The following KCNQ3 variants were observed in gnomAD, a reference collection of about 807,000 sequenced individuals.
The protein encoded by KCNQ3 is potassium voltage-gated channel subfamily Q member 3.
In KCNQ3, 30 loss-of-function variants were observed where a neutral mutation model predicts 92.5. The ratio of observed to expected loss-of-function variants is 0.32; its 90% confidence interval spans 0.24 to 0.44. The LOEUF (loss-of-function observed/expected upper bound fraction) is 0.44, where lower values mean the gene tolerates loss of function less well. Among genes scored for constraint, KCNQ3 ranks in the 20% least tolerant of loss-of-function variants. The probability of loss-of-function intolerance (pLI) is 1.00; values close to 1 mark genes in which losing one functional copy is unlikely to be tolerated. For missense variants in KCNQ3, 913 were observed against 1,140.3 expected (o/e 0.80, Z 2.87); for synonymous variants, 450 against 468.8 (o/e 0.96, Z 0.52).
chr8:132,254,238 A>C (rs893038584), intron 1 of KCNQ3, among the ~76,000 whole-genome samples: 2 of 152,216 alleles, frequency 1.3e-5, no homozygotes, highest in African/African-American at 4.8e-5. Flanking sequence ...AGGAAAGTGC[A>C]TGTTCTCCCT....
chr8:132,177,869 A>G (rs1225996708), intron 4 of KCNQ3, among the ~76,000 whole-genome samples: 1 of 152,210 alleles, frequency 6.6e-6, no homozygotes, highest in Non-Finnish European at 1.5e-5. Context: ...CTGGTAGCAC[A>G]GCTTTCGGGA....
At chr8:132,193,013 C>A (rs1436031019) in intron 1 of KCNQ3, among the ~76,000 whole-genome samples, 1 of 152,176 alleles carries the variant, frequency 6.6e-6, no homozygotes, top group Non-Finnish European at 1.5e-5. Context: ...TTCCTGAGTT[C>A]TTTTCCTCTC....
intron 1 of KCNQ3, among the ~76,000 whole-genome samples, chr8:132,408,649 C>T (rs1256838635): frequency 1.3e-5 from 2 of 152,098 alleles, no homozygotes; most frequent in African/African-American, 4.8e-5. Flanking sequence ...TCCCAGTCAA[C>T]TTTGAGTTAA....
chr8:132,308,448 C>A (rs1817496978), intron 1 of KCNQ3, among the ~76,000 whole-genome samples: 1 of 152,102 alleles, frequency 6.6e-6, no homozygotes. Context: ...GACAAGGGAC[C>A]TGCATCTGGA....
At chr8:132,399,126 C>T (rs2130781625) in intron 1 of KCNQ3, among the ~76,000 whole-genome samples, 1 of 152,304 alleles carries the variant, frequency 6.6e-6, no homozygotes, top group Middle Eastern at 3.4e-3. Context: ...ATACGATTTA[C>T]AAATTTATTC....
chr8:132,179,629 T>A (rs1166610103), intron 4 of KCNQ3, among the ~76,000 whole-genome samples: 1 of 152,204 alleles, frequency 6.6e-6, no homozygotes, highest in Non-Finnish European at 1.5e-5. Flanking sequence ...TCTTCACATA[T>A]CAATTCATTT....
At chr8:132,474,502 C>G (rs774187001) in intron 1 of KCNQ3, among the ~76,000 whole-genome samples, 2 of 152,156 alleles carry the variant, frequency 1.3e-5, no homozygotes, top group Non-Finnish European at 2.9e-5. Flanking sequence ...CTTGTTTTCT[C>G]TCCCATAGTC....
chr8:132,246,471 T>C (rs1339028408), intron 1 of KCNQ3, among the ~76,000 whole-genome samples: 3 of 152,212 alleles, frequency 2.0e-5, no homozygotes, highest in Non-Finnish European at 4.4e-5. Context: ...GAGGCAGTCA[T>C]GAAGTTGGAA....
chr8:132,313,906 A>G (rs989013), intron 1 of KCNQ3, among the ~76,000 whole-genome samples: 120,265 of 152,154 alleles, frequency 0.79, 48,092 homozygotes, highest in East Asian at 0.92. Flanking sequence ...GTTCCCAGCC[A>G]AATCTCCACA....
rs934668728 is a variant in KCNQ3, at chr8:132,480,676, C to CCG, written c.-145_-144insCG. 2.2e-6 allele frequency: 2 copies of CCG among 901,120 alleles called. No homozygotes were observed. The highest frequency in any genetic ancestry group is 1.1e-4 in the East Asian group (1 of 9,442). The allele number at this position is 901,120 out of a possible 1,614,324, so 55.8% of individuals were successfully genotyped here. A position where few individuals can be genotyped will look rare whatever the true frequency, so the allele number is the denominator to read the frequency against. On this transcript the variant is annotated 5_prime_UTR_variant, in exon 1 of 15. Transcript: ENST00000388996. ...GATCCGCGCGCCCCTCCCCACCCCCCCCCAAAAGCAGGCAAAGGCGGGCCC... is the reference window on the plus strand; with the variant it reads ...GATCCGCGCGCCCCTCCCCACCCCCCCGCCCAAAAGCAGGCAAAGGCGGGCCC...
At chr8:132,162,011 C>T (rs1440119769) in intron 9 of KCNQ3, among the ~76,000 whole-genome samples, 1 of 152,222 alleles carries the variant, frequency 6.6e-6, no homozygotes, top group Non-Finnish European at 1.5e-5. Context: ...TGCTCTTCTT[C>T]TCTGAGGTGG....
intron 5 of KCNQ3, among the ~76,000 whole-genome samples, chr8:132,174,673 T>C (rs1369344597): frequency 6.6e-6 from 1 of 152,242 alleles, no homozygotes; most frequent in Non-Finnish European, 1.5e-5. Context: ...ATATGTGTGC[T>C]TGTGAGTATA....
chr8:132,412,355 G>C (rs978790712), intron 1 of KCNQ3, among the ~76,000 whole-genome samples: 2 of 151,818 alleles, frequency 1.3e-5, no homozygotes, highest in African/African-American at 4.8e-5. Flanking sequence ...GGGTGATTCT[G>C]ACTCAGGTGA....
intron 1 of KCNQ3, among the ~76,000 whole-genome samples, chr8:132,452,484 A>G (rs527242136): frequency 6.6e-6 from 1 of 152,286 alleles, no homozygotes; most frequent in East Asian, 1.9e-4. Flanking sequence ...CTCCACTGGA[A>G]CCTTCTGGCA....
At chr8:132,431,333 T>C (rs1456686365) in intron 1 of KCNQ3, among the ~76,000 whole-genome samples, 2 of 152,192 alleles carry the variant, frequency 1.3e-5, no homozygotes, top group Non-Finnish European at 2.9e-5. Flanking sequence ...GCACTGGGGA[T>C]GGTAAGAGTG....
intron 1 of KCNQ3, among the ~76,000 whole-genome samples, chr8:132,194,346 C>A (rs375704821): frequency 6.6e-6 from 1 of 152,206 alleles, no homozygotes; most frequent in East Asian, 1.9e-4. Context: ...ATCCTACTGA[C>A]CCTCAATTGA....
At chr8:132,398,708 G>C (rs1181699663) in intron 1 of KCNQ3, among the ~76,000 whole-genome samples, 1 of 152,184 alleles carries the variant, frequency 6.6e-6, no homozygotes, top group South Asian at 2.1e-4. Context: ...CAAAGGTGGG[G>C]GATACAGGAG....
chr8:132,181,388 A>T (rs1826768712), intron 3 of KCNQ3, among the ~76,000 whole-genome samples: 1 of 152,186 alleles, frequency 6.6e-6, no homozygotes, highest in Non-Finnish European at 1.5e-5. Context: ...ATTTATTTTT[A>T]GTGTCACTAA....
chr8:132,191,688 T>C (rs969282108), intron 1 of KCNQ3, among the ~76,000 whole-genome samples: 2 of 151,278 alleles, frequency 1.3e-5, no homozygotes, highest in Non-Finnish European at 2.9e-5. Context: ...CTATCTGTAA[T>C]CTCTATCCAA....
Sources: allele counts gnomAD v4.1 joint callset (sites outside exome capture counted in the v4.1 genomes callset), GRCh38; gene constraint gnomAD v4.1.1; transcripts MANE v1.5; gene names NCBI Gene and HGNC (gene_info 2026-07-23, HGNC 2026-07-21).